Variants in PRR12 observed in about 807,000 individuals in gnomAD.
PRR12 encodes the protein proline-rich protein 12.
A neutral mutation model predicts 138.0 loss-of-function variants in PRR12; 12 were observed. The observed-to-expected ratio is 0.09, with a 90% CI of 0.06 to 0.14. The LOEUF (loss-of-function observed/expected upper bound fraction) is 0.14, where lower values mean the gene tolerates loss of function less well. PRR12 is among the 10% of genes least tolerant of loss of function. The pLI is 1.00. For synonymous variants in PRR12, 1,567 were observed against 1,291.7 expected, an observed-to-expected ratio of 1.21 and a Z score of -4.57; for missense variants, 2,692 against 2,861.3, an observed-to-expected ratio of 0.94 and a Z score of 1.35.
intron 8 of PRR12, 89 bp downstream of exon 8, chr19:49,615,098 G>A: frequency 1.9e-6 from 3 of 1,558,278 alleles, no homozygotes; most frequent in Admixed American, 1.7e-5. Flanking sequence ...CTGGAGAGTG[G>A]GGGGTGGGGA....
rs918560673 is a variant in PRR12, at chr19:49,625,969, G to C, written c.*362G>C. 1 of 158,558 alleles carries C rather than the reference G, an allele frequency of 6.3e-6. No homozygotes were observed. The highest frequency in any genetic ancestry group is 2.1e-4 in the South Asian group (1 of 4,816). The allele number at this position is 158,558 out of a possible 1,614,324, so 9.8% of individuals were successfully genotyped here. ...GTATAGGAAAAGTCTATGTATGGCT[G>C]GGGGGGGTGGGGTGGCTTCAGAGAG... On this transcript the variant is annotated 3_prime_UTR_variant, in exon 14 of 14. Coordinates refer to ENST00000418929, the MANE Select transcript of PRR12 (RefSeq NM_020719.3). The surrounding 1 kb of genome is among the most constrained non-coding windows in gnomAD (Gnocchi z 5.5).
In PRR12 at chr19:49,599,578, A is replaced by C. The variant is rs780639758; in HGVS notation, c.3985A>C (p.Thr1329Pro). Residue 1329 changes from threonine to proline, a missense_variant, in exon 5 of 14, where the codon ACC (threonine) becomes CCC (proline). Thr to Pro is a conservative substitution (Grantham distance 38). Around this residue, in one of 11 missense-constraint regions of PRR12, gnomAD observed 326 missense variants for 344.2 expected, o/e 0.95. Transcript: ENST00000418929. This position sits in a 1 kb window ranked among gnomAD's most constrained non-coding sequence, Gnocchi z 5.0. ...ARGLQPQPPA[T>P]PAVPHPPPSG... ...AGGCCTGCAGCCCCAGCCCCCTGCCACCCCTGCTGTGCCACATCCCCCACC... is the reference window on the plus strand; with the variant it reads ...AGGCCTGCAGCCCCAGCCCCCTGCCCCCCCTGCTGTGCCACATCCCCCACC... 6.3e-7 allele frequency: 1 copy of C among 1,594,302 alleles called. No homozygotes were observed. Among genetic ancestry groups the C allele is most frequent in the South Asian group, 1.1e-5 (1 of 89,064 alleles).
intron 11 of PRR12, 165 bp downstream of exon 11, chr19:49,621,787 T>C (rs950917899): frequency 3.2e-6 from 2 of 620,114 alleles, no homozygotes; most frequent in Non-Finnish European, 5.7e-6. Context: ...ATCTCTGGGT[T>C]CTCAACAGCC....
rs1483459290 is a variant in PRR12, at chr19:49,597,591, C to T, written c.3256C>T (p.Pro1086Ser). The change falls in exon 4 of 14, where the codon CCA becomes TCA. Residue 1086 changes from proline (P) to serine (S), a missense_variant. Pro to Ser is a moderately conservative substitution (Grantham distance 74). Coordinates refer to ENST00000418929, the MANE Select transcript of PRR12 (RefSeq NM_020719.3). The surrounding 1 kb of genome is among the most constrained non-coding windows in gnomAD (Gnocchi z 6.3). ...SSFHLLRRRD[P>S]PFQTPKKLYA... ...CTTCCACCTGCTGCGGCGCCGCGAC[C>T]CACCCTTCCAGACCCCCAAGAAGCT... 3 of 1,608,480 alleles carry T rather than the reference C, an allele frequency of 1.9e-6. No homozygotes were observed. Among genetic ancestry groups the T allele is most frequent in the East Asian group, 2.2e-5 (1 of 44,746 alleles).
chr19:49,594,685 C>T lies in PRR12; in HGVS notation c.362-12C>T, dbSNP rs752253560. ...GCTGTTCTCTCTGACGCGCGGTCTT[C>T]CTCATCTCCAGCCATGCACACGCCA... On this transcript the variant is annotated splice_polypyrimidine_tract_variant and intron_variant, in intron 3 of 13. Transcript: ENST00000418929. This position sits in a 1 kb window ranked among gnomAD's most constrained non-coding sequence, Gnocchi z 5.6. The T allele has an allele frequency of 1.9e-6, 3 of 1,611,706 alleles. No individual in the cohort carries two copies. Among genetic ancestry groups the T allele is most frequent in the Non-Finnish European group, 2.5e-6 (3 of 1,179,666 alleles).
Position 49,625,025 on chromosome 19 carries a change from G to C in PRR12, c.5868+35G>C. ...GGGGCTGGGGCTGGGAGTGGGGAGT[G>C]CTGGCGGTATGTGGGAAGGGAGGAG... is the stretch of plus-strand genomic sequence containing the variant. On this transcript the variant is annotated intron_variant, in intron 12 of 13. Transcript: ENST00000418929. The surrounding 1 kb of genome is among the most constrained non-coding windows in gnomAD (Gnocchi z 5.5). The C allele has an allele frequency of 1.2e-6, 2 of 1,610,504 alleles. No individual in the cohort carries two copies. Among genetic ancestry groups the C allele is most frequent in the Non-Finnish European group, 1.7e-6 (2 of 1,177,682 alleles).
rs1380348169 is a variant in PRR12, at chr19:49,591,400, TA to T, written c.-254del. 7.1e-6 allele frequency among the ~76,000 whole-genome samples: 1 copy of T among 141,556 alleles called. No homozygotes were observed. The highest frequency in any genetic ancestry group is 1.6e-5 in the Non-Finnish European group (1 of 64,468). 92.9% of individuals were successfully genotyped at this position (141,556 alleles called of 152,430 possible). On this transcript the variant is annotated 5_prime_UTR_variant, in exon 1 of 14. Coordinates refer to ENST00000418929, the MANE Select transcript of PRR12 (RefSeq NM_020719.3). ...GTCCCTCCTCCCCCCTTCCCTCCTC[TA>T]GGGGGAACCCCCCTTCCCCCTTCCT...
Position 49,597,015 on chromosome 19 carries a change from C to T in PRR12, c.2680C>T (p.Pro894Ser), listed in dbSNP as rs2080776052. The change falls in exon 4 of 14, where the codon CCT (proline) becomes TCT (serine). Residue 894 changes from proline to serine, a missense_variant. Around this residue, in one of 11 missense-constraint regions of PRR12, gnomAD observed 840 missense variants for 689.8 expected, o/e 1.22. Coordinates refer to ENST00000418929, the MANE Select transcript of PRR12 (RefSeq NM_020719.3). The surrounding 1 kb of genome is among the most constrained non-coding windows in gnomAD (Gnocchi z 6.3). ...GGCTCTGGAGCCGCTGCCCCCGGCGCCTGGGGATACTGGCGTAGGCCCACC... is the reference window on the plus strand; with the variant it reads ...GGCTCTGGAGCCGCTGCCCCCGGCGTCTGGGGATACTGGCGTAGGCCCACC... ...LGALEPLPPA[P>S]GDTGVGPPNS... 1 of 1,557,630 alleles carries T rather than the reference C, an allele frequency of 6.4e-7. No individual in the cohort carries two copies. Among genetic ancestry groups the T allele is most frequent in the Non-Finnish European group, 8.7e-7 (1 of 1,153,380 alleles).
At chr19:49,611,944 A>C (rs1214976322) in intron 6 of PRR12, among the ~76,000 whole-genome samples, 7 of 118,282 alleles carry the variant, frequency 5.9e-5, no homozygotes, top group Non-Finnish European at 8.7e-5. Context: ...AAAAAAAAAA[A>C]AAAACAGGCC....
Position 49,597,001 on chromosome 19 carries a change from C to G in PRR12, c.2666C>G (p.Pro889Arg). Residue 889 changes from proline to arginine, a missense_variant, in exon 4 of 14, where the codon CCG becomes CGG. This residue lies in a region of PRR12 where 840 missense variants were observed against 689.8 expected (regional missense o/e 1.22). Transcript: ENST00000418929. The surrounding 1 kb of genome is among the most constrained non-coding windows in gnomAD (Gnocchi z 6.3). ...AMQELLGALE[P>R]LPPAPGDTGV... ...CAGGAATTGCTCGGGGCTCTGGAGC[C>G]GCTGCCCCCGGCGCCTGGGGATACT... The G allele has an allele frequency of 1.3e-6, 2 of 1,558,158 alleles. No homozygotes were observed. Among genetic ancestry groups the G allele is most frequent in the Non-Finnish European group, 1.7e-6 (2 of 1,154,446 alleles).
Position 49,594,731 on chromosome 19 carries a change from C to T in PRR12, c.396C>T (p.Ile132=). Residue 132 remains isoleucine, a synonymous_variant, in exon 4 of 14, where the codon ATC becomes ATT. Coordinates refer to ENST00000418929, the MANE Select transcript of PRR12 (RefSeq NM_020719.3). The surrounding 1 kb of genome is among the most constrained non-coding windows in gnomAD (Gnocchi z 5.6). ...CGCCAGGCCCCACGGAGCTCTTCATCTCGGGTGCCCTGCCGGGTTCCAGCA... is the reference window on the plus strand; with the variant it reads ...CGCCAGGCCCCACGGAGCTCTTCATTTCGGGTGCCCTGCCGGGTTCCAGCA... ...MHTPGPTELF[I]SGALPGSSTF... is the part of the protein sequence containing the mutation. The T allele has an allele frequency of 6.2e-7, 1 of 1,613,324 alleles. No individual in the cohort carries two copies. The highest frequency in any genetic ancestry group is 2.2e-5 in the East Asian group (1 of 44,862).
At chr19:49,605,636 G>C (rs1201878148) in intron 6 of PRR12, among the ~76,000 whole-genome samples, 1 of 152,252 alleles carries the variant, frequency 6.6e-6, no homozygotes, top group Admixed American at 6.5e-5. Context: ...AGCCAGCATT[G>C]GGTCAAATGA....
intron 6 of PRR12, among the ~76,000 whole-genome samples, chr19:49,602,425 G>A (rs1291046960): frequency 1.3e-5 from 2 of 152,204 alleles, no homozygotes; most frequent in Non-Finnish European, 2.9e-5. Flanking sequence ...TGGGCCGGAC[G>A]CGGCAGCTTA....
intron 9 of PRR12, among the ~76,000 whole-genome samples, chr19:49,617,426 G>A (rs2080898625): frequency 2.0e-5 from 3 of 152,258 alleles, no homozygotes; most frequent in South Asian, 2.1e-4. Context: ...TCAAGAGTTC[G>A]AGATGAGCCT....
At chr19:49,622,597 G>A (rs56404060) in intron 11 of PRR12, among the ~76,000 whole-genome samples, 85 of 133,898 alleles carry the variant, frequency 6.3e-4, no homozygotes, top group African/African-American at 1.7e-3. Context: ...CTCCAAAAAA[G>A]AAAAAAAAAA....
rs1014949774 is a variant in PRR12, at chr19:49,595,016, C to T, written c.681C>T (p.Tyr227=). Residue 227 remains tyrosine, a synonymous_variant, in exon 4 of 14, where the codon TAC becomes TAT. Transcript: ENST00000418929. The part of the protein sequence containing the change: ...AGLGPAQTPP[Y]RPGPPDPPPP... ...TCGGTCCAGCCCAGACCCCCCCTTACCGCCCTGGCCCCCCAGACCCACCAC... is the reference window on the plus strand; with the variant it reads ...TCGGTCCAGCCCAGACCCCCCCTTATCGCCCTGGCCCCCCAGACCCACCAC... 5 of 1,599,772 alleles carry T rather than the reference C, an allele frequency of 3.1e-6. No homozygotes were observed. The African/African-American group carries it at 6.7e-5, about 22-fold the overall frequency.
chr19:49,592,970 G>C (rs913531912), intron 1 of PRR12, among the ~76,000 whole-genome samples: 2 of 151,804 alleles, frequency 1.3e-5, no homozygotes, highest in African/African-American at 2.4e-5. Context: ...CGGAACGGGG[G>C]CTGGGGGGGG....
Position 49,595,154 on chromosome 19 carries a change from G to C in PRR12, c.819G>C (p.Pro273=), listed in dbSNP as rs751631457. The C allele has an allele frequency of 1.9e-6, 3 of 1,611,156 alleles. No individual in the cohort carries two copies. The highest frequency in any genetic ancestry group is 4.5e-5 in the East Asian group (2 of 44,798). ...TCTATAACTTCTCGGGTGCTGCCCC[G>C]GGCCCACCGCCGCCTGAGCGGGCCC... The part of the protein sequence containing the change: ...PQLYNFSGAA[P]GPPPPERALP... Residue 273 remains proline (P), a synonymous_variant, in exon 4 of 14, where the codon CCG becomes CCC. Coordinates refer to ENST00000418929, the MANE Select transcript of PRR12 (RefSeq NM_020719.3).
intron 11 of PRR12, among the ~76,000 whole-genome samples, chr19:49,623,472 TAC>T (rs1401226037): frequency 4.6e-5 from 7 of 151,792 alleles, no homozygotes; most frequent in African/African-American, 1.7e-4. Context: ...CTACTAAAAA[TAC>T]ACAAAAAATT....
Sources: allele counts gnomAD v4.1 joint callset (sites outside exome capture counted in the v4.1 genomes callset), GRCh38; gene constraint gnomAD v4.1.1; regional missense constraint gnomAD v4.1.1; non-coding constraint Gnocchi (gnomAD v3.1); transcripts MANE v1.5; gene names NCBI Gene and HGNC (gene_info 2026-07-23, HGNC 2026-07-21).